UTS2B: variants seen among roughly 807,000 people sequenced by gnomAD.
UTS2B encodes the protein urotensin 2B.
In UTS2B, 21 loss-of-function variants were observed where a neutral mutation model predicts 19.2. The observed-to-expected ratio is 1.09, with a 90% CI of 0.78 to 1.58. The LOEUF is 1.58. UTS2B is among the 40% of genes most tolerant of loss of function. The pLI, the probability that UTS2B is intolerant of heterozygous loss-of-function variation, is 0.00. For synonymous variants in UTS2B, 57 were observed against 50.2 expected (o/e 1.14, Z -0.58); for missense variants, 138 against 130.3 (o/e 1.06, Z -0.29).
chr3:191,305,563 C>G (rs1576928375), intron 3 of UTS2B, among the ~76,000 whole-genome samples: 1 of 152,004 alleles, frequency 6.6e-6, no homozygotes, highest in Non-Finnish European at 1.5e-5. Flanking sequence ...GGATATTAGA[C>G]CTTTGTCAAA....
At chr3:191,274,805 C>T (rs891006703) in intron 8 of UTS2B, among the ~76,000 whole-genome samples, 2 of 151,994 alleles carry the variant, frequency 1.3e-5, no homozygotes, top group Non-Finnish European at 2.9e-5. Context: ...GAAAAATTAT[C>T]CAAAAGCATA....
intron 4 of UTS2B, among the ~76,000 whole-genome samples, chr3:191,299,379 T>A (rs1584935): frequency 0.66 from 100,007 of 152,118 alleles, 32,873 homozygotes; most frequent in African/African-American, 0.67. Context: ...CCAATACCCT[T>A]TGCAGCCTCT....
intron 5 of UTS2B, among the ~76,000 whole-genome samples, chr3:191,280,495 T>C (rs781755304): frequency 2.0e-5 from 3 of 152,148 alleles, no homozygotes; most frequent in Admixed American, 6.5e-5. Flanking sequence ...ATATAAAAAA[T>C]GTATACATGG....
chr3:191,284,876 T>C (rs1259795544), intron 4 of UTS2B, among the ~76,000 whole-genome samples: 2 of 152,098 alleles, frequency 1.3e-5, no homozygotes, highest in African/African-American at 4.8e-5. Flanking sequence ...GTAAAGACTT[T>C]CCCAGACAAG....
chr3:191,333,459 T>C (rs943903846), upstream of UTS2B, among the ~76,000 whole-genome samples: 1 of 152,172 alleles, frequency 6.6e-6, no homozygotes, highest in African/African-American at 2.4e-5. Flanking sequence ...TCTAAACAGA[T>C]GGCAGTGTCC....
rs1717856575 is a variant in UTS2B, at chr3:191,329,373, C to T, written c.-664-664G>A. On this transcript the variant is annotated intron_variant, in intron 1 of 8. Coordinates refer to ENST00000340524, the MANE Select transcript of UTS2B (RefSeq NM_198152.5). ...CGCCTTTCTGTCTCCTCTCTCCCTC[C>T]GTACTGGACGGCCCCGGTCCATTTC... 9 of 354,384 alleles carry T rather than the reference C, an allele frequency of 2.5e-5. No individual in the cohort carries two copies. In the East Asian group the frequency reaches 4.6e-4, roughly 18 times the overall value. The allele number at this position is 354,384 out of a possible 1,614,324, so 22.0% of individuals were successfully genotyped here.
chr3:191,290,546 A>G (rs1716683689), intron 4 of UTS2B, among the ~76,000 whole-genome samples: 1 of 152,218 alleles, frequency 6.6e-6, no homozygotes, highest in Admixed American at 6.5e-5. Context: ...TACATGCTTA[A>G]CCCACATGAT....
rs575560739 is a variant in UTS2B, at chr3:191,273,663, A to G, written c.334+1589T>C. On this transcript the variant is annotated intron_variant, in intron 8 of 8. Transcript: ENST00000340524. ...TGAGATTTAGATTACAACTGTTAAC[A>G]CCTAATAGCCTAAGCTATACTGATT... 164 of 450,082 alleles carry G rather than the reference A, an allele frequency of 3.6e-4. 2 individuals are homozygous for G. The highest frequency in any genetic ancestry group is 2.8e-3 in the African/African-American group (138 of 50,114). The allele number at this position is 450,082 out of a possible 1,614,324, so 27.9% of individuals were successfully genotyped here.
intron 3 of UTS2B, among the ~76,000 whole-genome samples, chr3:191,306,712 C>T (rs758974451): frequency 2.6e-5 from 4 of 152,210 alleles, no homozygotes; most frequent in Non-Finnish European, 4.4e-5. Flanking sequence ...TGACTCACTA[C>T]AAACTCCGCC....
At chr3:191,344,836 C>G in the UTS2B span, among the ~76,000 whole-genome samples, 1 of 152,226 alleles carries the variant, frequency 6.6e-6, no homozygotes, top group African/African-American at 2.4e-5. Flanking sequence ...ACCTCGGCAT[C>G]CCAAAGTGCT....
At chr3:191,303,426 T>C (rs778939603) in intron 4 of UTS2B, among the ~76,000 whole-genome samples, 7 of 152,190 alleles carry the variant, frequency 4.6e-5, no homozygotes, top group Non-Finnish European at 8.8e-5. Context: ...TAGCATGAGA[T>C]ATCTCTAACA....
intron 3 of UTS2B, among the ~76,000 whole-genome samples, chr3:191,307,932 T>C (rs1717189508): frequency 6.6e-6 from 1 of 150,516 alleles, no homozygotes; most frequent in African/African-American, 2.5e-5. Flanking sequence ...GCCTCCCGGG[T>C]TAAAGCAATT....
At chr3:191,321,696 G>A (rs183832070) in intron 2 of UTS2B, among the ~76,000 whole-genome samples, 82 of 152,254 alleles carry the variant, frequency 5.4e-4, no homozygotes, top group Non-Finnish European at 1.0e-3. Flanking sequence ...ATGTGTATGT[G>A]TACATACAAA....
At chr3:191,283,789 T>C (rs1410479747) in intron 4 of UTS2B, among the ~76,000 whole-genome samples, 1 of 152,188 alleles carries the variant, frequency 6.6e-6, no homozygotes, top group African/African-American at 2.4e-5. Context: ...TCTTAAGAAT[T>C]CAACCATGAA....
chr3:191,289,455 A>AAATAAAT (rs1246750924), intron 4 of UTS2B, among the ~76,000 whole-genome samples: 15 of 31,642 alleles, frequency 4.7e-4, no homozygotes, highest in Non-Finnish European at 1.2e-3. Flanking sequence ...AATAAAAAAC[A>AAATAAAT]AACGAAATTA....
chr3:191,273,148 A>T (rs997759207), intron 8 of UTS2B, among the ~76,000 whole-genome samples: 1 of 152,234 alleles, frequency 6.6e-6, no homozygotes, highest in African/African-American at 2.4e-5. Flanking sequence ...AGCCTGGGCT[A>T]CAGAGCGAGA....
At chr3:191,328,289 G>C (rs1192162612) in intron 2 of UTS2B, 1 of 152,240 alleles carries the variant, frequency 6.6e-6, no homozygotes, top group Non-Finnish European at 1.5e-5. Context: ...TAAGTTGAGA[G>C]TTTGCGGGTT....
rs1717441627 is a variant in UTS2B, at chr3:191,316,139, C to G, written c.-285G>C. ...AGATGTCAGCTGTCAGCTGGGAGCT[C>G]CATTATGTTGGCTGGGGTGTTTGTT... On this transcript the variant is annotated 5_prime_UTR_variant, in exon 3 of 9. Coordinates refer to ENST00000340524, the MANE Select transcript of UTS2B (RefSeq NM_198152.5). 6.6e-6 allele frequency: 1 copy of G among 152,314 alleles called. No homozygotes were observed. Among genetic ancestry groups the G allele is most frequent in the African/African-American group, 2.4e-5 (1 of 41,544 alleles). The allele number at this position is 152,314 out of a possible 1,614,324, so 9.4% of individuals were successfully genotyped here.
chr3:191,344,431 T>C, the UTS2B span, among the ~76,000 whole-genome samples: 18 of 152,346 alleles, frequency 1.2e-4, no homozygotes, highest in Admixed American at 1.2e-3. Context: ...TAAAATTAAA[T>C]TTATATTATA....
Sources: allele counts gnomAD v4.1 joint callset (sites outside exome capture counted in the v4.1 genomes callset), GRCh38; gene constraint gnomAD v4.1.1; transcripts MANE v1.5; gene names NCBI Gene and HGNC (gene_info 2026-07-23, HGNC 2026-07-21).